The following BNC2 variants were observed in gnomAD, a reference collection of about 807,000 sequenced individuals.
BNC2 encodes basonuclin zinc finger protein 2.
A neutral mutation model predicts 76.3 loss-of-function variants in BNC2; 20 were observed. That is an observed-to-expected ratio of 0.26 (90% confidence interval 0.18 to 0.38). BNC2 has a LOEUF of 0.38. Among genes scored for constraint, BNC2 ranks in the 10% least tolerant of loss-of-function variants. BNC2 has a pLI of 1.00. For missense variants in BNC2, 1,382 were observed against 1,399.8 expected, an observed-to-expected ratio of 0.99 and a Z score of 0.20; for synonymous variants, 582 against 514.8, an observed-to-expected ratio of 1.13 and a Z score of -1.77.
intron 4 of BNC2, among the ~76,000 whole-genome samples, chr9:16,572,140 G>A (rs534092322): frequency 1.3e-5 from 2 of 152,210 alleles, no homozygotes; most frequent in South Asian, 2.1e-4. Context: ...CTGGAAAGCC[G>A]AAGGTATTTC....
intron 3 of BNC2, among the ~76,000 whole-genome samples, chr9:16,607,494 A>G (rs1420739561): frequency 6.6e-6 from 1 of 152,230 alleles, no homozygotes; most frequent in Non-Finnish European, 1.5e-5. Context: ...AAGAGTTTTG[A>G]TAACGGCTAC....
At chr9:16,716,793 T>C (rs372591788) in intron 3 of BNC2, among the ~76,000 whole-genome samples, 1 of 152,192 alleles carries the variant, frequency 6.6e-6, no homozygotes, top group African/African-American at 2.4e-5. Flanking sequence ...GAAAGATTAG[T>C]TTTTAAGGTG....
chr9:16,784,767 G>T lies in BNC2; in HGVS notation c.4-46282C>A, dbSNP rs536570140. On this transcript the variant is annotated intron_variant, in intron 1 of 6. Transcript: ENST00000380672. ...ATAGTAGGTCAGTGGGAATGAAAAGGAGTTAAAAGAGTGATGTGAACTCAC... is the reference window on the plus strand; with the variant it reads ...ATAGTAGGTCAGTGGGAATGAAAAGTAGTTAAAAGAGTGATGTGAACTCAC... Among the ~76,000 whole-genome samples the T allele has an allele frequency of 5.9e-5, 9 of 152,248 alleles. No homozygotes were observed. The South Asian group carries it at 1.9e-3, about 32-fold the overall frequency.
At chr9:16,423,022 CGA>C (rs2119150410) in intron 6 of BNC2, among the ~76,000 whole-genome samples, 1 of 152,228 alleles carries the variant, frequency 6.6e-6, no homozygotes, top group South Asian at 2.1e-4. Context: ...AATCAGATGT[CGA>C]GAGAAGACCC....
chr9:16,602,514 T>C (rs1820270940), intron 3 of BNC2, among the ~76,000 whole-genome samples: 1 of 152,138 alleles, frequency 6.6e-6, no homozygotes, highest in Non-Finnish European at 1.5e-5. Flanking sequence ...AATCTAAATG[T>C]GGTATACTAG....
chr9:16,587,964 C>T (rs900910065), intron 3 of BNC2, among the ~76,000 whole-genome samples: 5 of 152,068 alleles, frequency 3.3e-5, no homozygotes, highest in African/African-American at 4.8e-5. Context: ...GTGTGATTAT[C>T]GATATGGGTT....
At chr9:16,832,406 G>T in intron 1 of BNC2, 1 of 755,488 alleles carries the variant, frequency 1.3e-6, no homozygotes, top group South Asian at 2.3e-5. Flanking sequence ...AGGCCTAGAA[G>T]AGTTCCTTTC....
intron 3 of BNC2, among the ~76,000 whole-genome samples, chr9:16,647,637 G>A (rs1821673284): frequency 6.6e-6 from 1 of 152,160 alleles, no homozygotes; most frequent in African/African-American, 2.4e-5. Flanking sequence ...TTTTGAGAAT[G>A]AGGGAGAGAG....
intron 1 of BNC2, among the ~76,000 whole-genome samples, chr9:16,856,742 A>G (rs1819267232): frequency 6.6e-6 from 1 of 152,222 alleles, no homozygotes; most frequent in African/African-American, 2.4e-5. Context: ...AATTCAGCCA[A>G]GTATGTTTTC....
intron 3 of BNC2, among the ~76,000 whole-genome samples, chr9:16,672,119 CAG>C: frequency 6.6e-6 from 1 of 152,278 alleles, no homozygotes; most frequent in South Asian, 2.1e-4. Flanking sequence ...ACAGGTGAAA[CAG>C]GGAGATCTGG....
At position 16,627,533 on chromosome 9, in the gene BNC2, G is replaced by C. The variant is rs185106963; in HGVS notation, c.331-44448C>G. On this transcript the variant is annotated intron_variant, in intron 3 of 6. Transcript: ENST00000380672. ...CACAATACCAGGATTGAGCATTACA[G>C]AGATACTGTGATGCAAGCCCATTAA... Among the ~76,000 whole-genome samples the C allele has an allele frequency of 2.8e-3, 425 of 152,260 alleles. 5 individuals are homozygous for C. Among genetic ancestry groups the C allele is most frequent in the Admixed American group, 0.025 (390 of 15,296 alleles).
In BNC2 at chr9:16,818,979, A is replaced by T. The variant is rs1818250905; in HGVS notation, c.3+51667T>A. On this transcript the variant is annotated intron_variant, in intron 1 of 6. Coordinates refer to ENST00000380672, the MANE Select transcript of BNC2 (RefSeq NM_017637.6). ...TTCACTGGACCTCAGAACCTTGGCA[A>T]TAAAAAAAAGTCCCTTCATCTCTTA... 3.3e-5 allele frequency among the ~76,000 whole-genome samples: 5 copies of T among 152,140 alleles called. No individual in the cohort carries two copies. The South Asian group carries it at 1.0e-3, about 31-fold the overall frequency.
At chr9:16,819,587 G>A (rs1818267114) in intron 1 of BNC2, among the ~76,000 whole-genome samples, 1 of 151,976 alleles carries the variant, frequency 6.6e-6, no homozygotes, top group Admixed American at 6.6e-5. Context: ...AACCCAGGAG[G>A]TGGAGGTTGC....
chr9:16,750,816 A>C (rs1329446070), intron 1 of BNC2, among the ~76,000 whole-genome samples: 1 of 152,272 alleles, frequency 6.6e-6, no homozygotes, highest in African/African-American at 2.4e-5. Context: ...GCATGCTGCC[A>C]CATATTCAGA....
At chr9:16,869,793 G>T (rs1289578977) in intron 1 of BNC2, among the ~76,000 whole-genome samples, 1 of 152,094 alleles carries the variant, frequency 6.6e-6, no homozygotes. Flanking sequence ...GTCTCGCTTG[G>T]CAAAGCCAGC....
chr9:16,858,173 G>T (rs1819309167), intron 1 of BNC2, among the ~76,000 whole-genome samples: 1 of 152,126 alleles, frequency 6.6e-6, no homozygotes, highest in African/African-American at 2.4e-5. Flanking sequence ...CTCAATAATG[G>T]TTTTCTTCCC....
chr9:16,583,870 T>G (rs1309567208), intron 3 of BNC2, among the ~76,000 whole-genome samples: 1 of 152,198 alleles, frequency 6.6e-6, no homozygotes, highest in African/African-American at 2.4e-5. Context: ...CTTAAAAATC[T>G]TTCATTTCCT....
chr9:16,846,740 A>G lies in BNC2; in HGVS notation c.3+23906T>C, dbSNP rs1818991767. On this transcript the variant is annotated intron_variant, in intron 1 of 6. Transcript: ENST00000380672. ...TACACTTTTACAAAAGAAGCCCCAA[A>G]TTATTTTAGACCAATCCATGAAGAG... Among the ~76,000 whole-genome samples the G allele has an allele frequency of 2.0e-5, 3 of 152,216 alleles. No homozygotes were observed. In the South Asian group the frequency reaches 6.2e-4, roughly 31 times the overall value.
At chr9:16,855,549 G>GT (rs1409916560) in intron 1 of BNC2, among the ~76,000 whole-genome samples, 1 of 151,940 alleles carries the variant, frequency 6.6e-6, no homozygotes, top group Non-Finnish European at 1.5e-5. Context: ...TCTTTTTTTT[G>GT]TTTTTTGAGA....
Sources: gnomAD v4.1 joint callset for allele counts (sites outside exome capture counted in the v4.1 genomes callset) on GRCh38, gnomAD v4.1.1 for gene constraint, MANE v1.5 for transcripts, NCBI Gene and HGNC (gene_info 2026-07-23, HGNC 2026-07-21) for gene names.